The following CNTNAP3 variants were observed in gnomAD, a reference collection of about 807,000 sequenced individuals.
CNTNAP3 encodes contactin-associated protein-like 3.
A neutral mutation model predicts 92.1 loss-of-function variants in CNTNAP3; 36 were observed. The ratio of observed to expected loss-of-function variants is 0.39; its 90% CI spans 0.30 to 0.52. The LOEUF is 0.52. Among genes scored for constraint, CNTNAP3 ranks in the 20% least tolerant of loss-of-function variants. The pLI is 0.76. For missense variants in CNTNAP3, 534 were observed against 1,069.6 expected, an observed-to-expected ratio of 0.50 and a Z score of 6.98; for synonymous variants, 232 against 422.3, an observed-to-expected ratio of 0.55 and a Z score of 5.53.
At chr9:39,120,987 T>C (rs1821006351) in intron 13 of CNTNAP3, among the ~76,000 whole-genome samples, 2 of 152,096 alleles carry the variant, frequency 1.3e-5, no homozygotes, top group Admixed American at 6.5e-5. Flanking sequence ...ATTACATATT[T>C]CATTATGAGA....
chr9:39,168,315 C>T (rs1377790968), intron 8 of CNTNAP3, among the ~76,000 whole-genome samples: 1 of 150,740 alleles, frequency 6.6e-6, no homozygotes, highest in Non-Finnish European at 1.5e-5. Flanking sequence ...CCACACCTGG[C>T]CCCTTCTTTG....
chr9:39,091,085 C>T, intron 18 of CNTNAP3, among the ~76,000 whole-genome samples: 1 of 151,142 alleles, frequency 6.6e-6, no homozygotes, highest in East Asian at 1.9e-4. Context: ...TAAGTAGATT[C>T]TTTGGGATTT....
intron 16 of CNTNAP3, among the ~76,000 whole-genome samples, chr9:39,103,419 C>G (rs1395652937): frequency 1.3e-5 from 2 of 151,904 alleles, no homozygotes; most frequent in Non-Finnish European, 2.9e-5. Flanking sequence ...CCACCTCTAC[C>G]AAAAATACAA....
At chr9:39,102,831 C>T (rs1826496457) in intron 16 of CNTNAP3, 116 bp from the exon 17 acceptor site, 22 of 1,352,932 alleles carry the variant, frequency 1.6e-5, no homozygotes, top group Non-Finnish European at 2.0e-5. Flanking sequence ...GACGGCGATG[C>T]AGAAAAACGG....
chr9:39,130,495 C>CTTTT (rs58074019), intron 13 of CNTNAP3, among the ~76,000 whole-genome samples: 9 of 111,192 alleles, frequency 8.1e-5, no homozygotes, highest in South Asian at 2.9e-4. Context: ...AGGAGGAATT[C>CTTTT]TTTTTTTTTT....
At chr9:39,118,959 GA>G (rs1384843084) in intron 13 of CNTNAP3, among the ~76,000 whole-genome samples, 1 of 152,110 alleles carries the variant, frequency 6.6e-6, no homozygotes, top group Admixed American at 6.5e-5. Flanking sequence ...CAGATCTATA[GA>G]ACTGCATATT....
chr9:39,105,893 T>C (rs1564074496), intron 15 of CNTNAP3, among the ~76,000 whole-genome samples: 1 of 131,042 alleles, frequency 7.6e-6, no homozygotes, highest in South Asian at 2.5e-4. Flanking sequence ...CTCTCTTCTA[T>C]GTGTATTCTA....
chr9:39,128,287 G>GA (rs1821194942), intron 13 of CNTNAP3, among the ~76,000 whole-genome samples: 1 of 151,618 alleles, frequency 6.6e-6, no homozygotes, highest in Non-Finnish European at 1.5e-5. Flanking sequence ...AAGACAATAT[G>GA]AAAAAAGAAA....
chr9:39,146,915 C>T (rs1563892188), intron 10 of CNTNAP3, among the ~76,000 whole-genome samples: 1 of 152,032 alleles, frequency 6.6e-6, no homozygotes, highest in Non-Finnish European at 1.5e-5. Flanking sequence ...TGGCTGTGTC[C>T]CCACCCAAAT....
rs1381851090 is a variant in CNTNAP3, at chr9:39,081,943, C to T, written c.3443-3023G>A. Among the ~76,000 whole-genome samples, 846 of 151,536 alleles carry T rather than the reference C, an allele frequency of 5.6e-3. 10 individuals are homozygous for T. Among genetic ancestry groups the T allele is most frequent in the African/African-American group, 0.019 (803 of 41,294 alleles). ...AATACAAAAAAAAAAAAAAATTAGC[C>T]GGGCATGGTGGTGGGTGCCTGTAGT... On this transcript the variant is annotated intron_variant, in intron 21 of 23. Coordinates refer to ENST00000297668, the MANE Select transcript of CNTNAP3 (RefSeq NM_033655.5).
At chr9:39,078,095 T>C (rs1392929237) in intron 23 of CNTNAP3, among the ~76,000 whole-genome samples, 11 of 152,400 alleles carry the variant, frequency 7.2e-5, no homozygotes, top group Non-Finnish European at 1.6e-4. Flanking sequence ...TAACCCTAAC[T>C]ATTCAGGAGG....
chr9:39,071,692 T>G lies in CNTNAP3; in HGVS notation c.*2198A>C, dbSNP rs1238586757. On this transcript the variant is annotated 3_prime_UTR_variant, in exon 24 of 24. Coordinates refer to ENST00000297668, the MANE Select transcript of CNTNAP3 (RefSeq NM_033655.5). ...ATTTAGATTTTAGTAAGTTGACTGT[T>G]AGATGGTTGCTCTTTGGCAGAAGTT... Among the ~76,000 whole-genome samples, 2 of 151,332 alleles carry G rather than the reference T, an allele frequency of 1.3e-5. No homozygotes were observed. Among genetic ancestry groups the G allele is most frequent in the African/African-American group, 4.9e-5 (2 of 41,108 alleles).
At chr9:39,148,284 A>T (rs1821751819) in intron 10 of CNTNAP3, among the ~76,000 whole-genome samples, 1 of 152,160 alleles carries the variant, frequency 6.6e-6, no homozygotes, top group Non-Finnish European at 1.5e-5. Context: ...TTTTTCCTAC[A>T]AATCAACAGA....
rs1332805548 is a variant in CNTNAP3 at position 39,152,711 on chromosome 9, A to G, written c.1478-2734T>C. On this transcript the variant is annotated intron_variant, in intron 9 of 23. Coordinates refer to ENST00000297668, the MANE Select transcript of CNTNAP3 (RefSeq NM_033655.5). Reference sequence around the variant, plus strand: ...CGTGCTGTCGCCTAGGCTGCAGTGCAGTGGTGTGATCTCTGCTCACTGCAA... The same window carrying G: ...CGTGCTGTCGCCTAGGCTGCAGTGCGGTGGTGTGATCTCTGCTCACTGCAA... Among the ~76,000 whole-genome samples, 3 of 144,220 alleles carry G rather than the reference A, an allele frequency of 2.1e-5. 1 individual carries two copies. Among genetic ancestry groups the G allele is most frequent in the Non-Finnish European group, 4.5e-5 (3 of 66,334 alleles). The allele number at this position is 144,220 out of a possible 152,430, so 94.6% of individuals were successfully genotyped here.
At position 39,066,363 on chromosome 9, in the gene CNTNAP3, A is replaced by G. The variant is rs1194003512; in HGVS notation, c.*7527T>C. On this transcript the variant is annotated 3_prime_UTR_variant, in exon 24 of 24. Coordinates refer to ENST00000297668, the MANE Select transcript of CNTNAP3 (RefSeq NM_033655.5). ...CACTGCTATTATTTCTAAACAGCCA[A>G]TTATCTTTAAAAGATATTTAAGTAA... is the stretch of plus-strand genomic sequence containing the variant. Among the ~76,000 whole-genome samples, 1 of 152,144 alleles carries G rather than the reference A, an allele frequency of 6.6e-6. No individual in the cohort carries two copies. Among genetic ancestry groups the G allele is most frequent in the African/African-American group, 2.4e-5 (1 of 41,438 alleles).
rs577790586 is a variant in CNTNAP3 at position 39,080,708 on chromosome 9, C to T, written c.3443-1788G>A. Among the ~76,000 whole-genome samples the T allele has an allele frequency of 1.9e-4, 24 of 126,522 alleles. 3 individuals are homozygous for T. Among genetic ancestry groups the T allele is most frequent in the African/African-American group, 7.3e-4 (24 of 32,934 alleles). The allele number at this position is 126,522 out of a possible 152,430, so 83.0% of individuals were successfully genotyped here. The stretch of plus-strand genomic sequence containing the variant: ...GATGGAGTCTCACTCTGTCCCCAGG[C>T]TGGAGTGCAGTGGCGCGATCTCGGC... On this transcript the variant is annotated intron_variant, in intron 21 of 23. Transcript: ENST00000297668.
chr9:39,099,284 G>C (rs530716073), intron 18 of CNTNAP3, among the ~76,000 whole-genome samples: 1 of 152,234 alleles, frequency 6.6e-6, no homozygotes, highest in South Asian at 2.1e-4. Flanking sequence ...TTGTACCTGA[G>C]CAGAAGCTGT....
chr9:39,114,591 G>T (rs554170936), intron 14 of CNTNAP3, among the ~76,000 whole-genome samples: 1 of 152,162 alleles, frequency 6.6e-6, no homozygotes, highest in East Asian at 1.9e-4. Context: ...CAACTTCACT[G>T]AGTGCTTATA....
At chr9:39,095,294 T>C (rs1317205444) in intron 18 of CNTNAP3, among the ~76,000 whole-genome samples, 1 of 151,758 alleles carries the variant, frequency 6.6e-6, no homozygotes, top group African/African-American at 2.4e-5. Context: ...AGCCCTTCTA[T>C]TGAAATTTGG....
Sources: allele counts gnomAD v4.1 joint callset (sites outside exome capture counted in the v4.1 genomes callset), GRCh38; gene constraint gnomAD v4.1.1; transcripts MANE v1.5; gene names NCBI Gene and HGNC (gene_info 2026-07-23, HGNC 2026-07-21).